SLC5A3: variants seen among roughly 807,000 people sequenced by gnomAD.
SLC5A3 encodes solute carrier family 5 member 3.
A neutral mutation model predicts 43.2 loss-of-function variants in SLC5A3; 10 were observed. That is an observed-to-expected ratio of 0.23 (90% CI 0.14 to 0.39). SLC5A3 has a LOEUF of 0.39. Ranked by LOEUF, SLC5A3 falls within the 10% of genes least tolerant of loss-of-function variation. SLC5A3 has a pLI of 1.00. For synonymous variants in SLC5A3, 349 were observed against 322.0 expected, an observed-to-expected ratio of 1.08 and a Z score of -0.90; for missense variants, 608 against 893.4, an observed-to-expected ratio of 0.68 and a Z score of 4.07.
chr21:34,078,085 C>G (rs28575331), intron 1 of SLC5A3, among the ~76,000 whole-genome samples: 1 of 152,162 alleles, frequency 6.6e-6, no homozygotes, highest in Admixed American at 6.6e-5. Flanking sequence ...AGTGAAGTTT[C>G]TGCTGTGTGT....
In SLC5A3 at chr21:34,102,680, A is replaced by T; in HGVS notation, c.*5325A>T. On this transcript the variant is annotated 3_prime_UTR_variant, in exon 2 of 2. Coordinates refer to ENST00000381151, the MANE Select transcript of SLC5A3 (RefSeq NM_006933.7). ...TTGCTTGAAGAGAAAGGATGCTAGA[A>T]TAAAGTAAGCAGCTGAAGAGCGAGC... 3 of 1,000,220 alleles carry T rather than the reference A, an allele frequency of 3.0e-6. No homozygotes were observed. Among genetic ancestry groups the T allele is most frequent in the Middle Eastern group, 5.2e-4 (1 of 1,916 alleles). 62.0% of individuals were successfully genotyped at this position (1,000,220 alleles called of 1,614,324 possible). A position where few individuals can be genotyped will look rare whatever the true frequency, so the allele number is the denominator to read the frequency against.
rs575825619 is a variant in SLC5A3 at position 34,099,578 on chromosome 21, C to T, written c.*2223C>T. The T allele has an allele frequency of 9.0e-6, 9 of 999,158 alleles. No homozygotes were observed. Among genetic ancestry groups the T allele is most frequent in the Admixed American group, 6.2e-5 (1 of 16,188 alleles). 61.9% of individuals were successfully genotyped at this position (999,158 alleles called of 1,614,324 possible). Reference sequence around the variant, plus strand: ...GGCAGCCTATCTCTTCCATATCCAGCGTAAATGAATAGGAGGTGTTTGTGA... The same window carrying T: ...GGCAGCCTATCTCTTCCATATCCAGTGTAAATGAATAGGAGGTGTTTGTGA... On this transcript the variant is annotated 3_prime_UTR_variant, in exon 2 of 2. Coordinates refer to ENST00000381151, the MANE Select transcript of SLC5A3 (RefSeq NM_006933.7).
chr21:34,090,197 T>C (rs1311111921), intron 1 of SLC5A3, among the ~76,000 whole-genome samples: 1 of 152,246 alleles, frequency 6.6e-6, no homozygotes, highest in Admixed American at 6.5e-5. Flanking sequence ...AGGCCAGTTA[T>C]ATTAGGAAAA....
chr21:34,076,344 C>T (rs184886217), intron 1 of SLC5A3, among the ~76,000 whole-genome samples: 22 of 152,232 alleles, frequency 1.4e-4, no homozygotes, highest in African/African-American at 4.8e-4. Context: ...ATTTAAAATA[C>T]AGGCCCTGTG....
In SLC5A3 at chr21:34,095,789, T is replaced by C; in HGVS notation, c.591T>C (p.Leu197=). Residue 197 remains leucine, a synonymous_variant, in exon 2 of 2, where the codon CTT becomes CTC. Coordinates refer to ENST00000381151, the MANE Select transcript of SLC5A3 (RefSeq NM_006933.7). ...CTCTGCTCATGATCATTGGGGCACT[T>C]ACACTTATGATTATTAGCATAATGG... ...LQALLMIIGA[L]TLMIISIMEI... is the part of the protein sequence containing the mutation. 1 of 1,614,094 alleles carries C rather than the reference T, an allele frequency of 6.2e-7. No homozygotes were observed. Among genetic ancestry groups the C allele is most frequent in the South Asian group, 1.1e-5 (1 of 91,074 alleles).
intron 1 of SLC5A3, among the ~76,000 whole-genome samples, 183 bp from the exon 2 acceptor site, chr21:34,094,680 A>G (rs982874000): frequency 4.6e-5 from 7 of 152,240 alleles, no homozygotes; most frequent in Admixed American, 3.3e-4. Context: ...CTCACTGACA[A>G]AAGTATCAGC....
At chr21:34,073,785 CGCCCCCGCTG>C in intron 1 of SLC5A3, 40 bp downstream of exon 1, 1 of 1,426,000 alleles carries the variant, frequency 7.0e-7, no homozygotes, top group Non-Finnish European at 9.3e-7. Flanking sequence ...CCCGCGCGGG[CGCCCCCGCTG>C]CCGCTAGGCC....
Position 34,097,168 on chromosome 21 carries a change from T to A in SLC5A3, c.1970T>A (p.Phe657Tyr). 1 of 1,614,070 alleles carries A rather than the reference T, an allele frequency of 6.2e-7. No individual in the cohort carries two copies. Among genetic ancestry groups the A allele is most frequent in the Middle Eastern group, 1.7e-4 (1 of 6,058 alleles). The change falls in exon 2 of 2, where the codon TTC becomes TAC. Residue 657 changes from phenylalanine (F) to tyrosine (Y), a missense_variant. By Grantham distance (22) the Phe-to-Tyr change is conservative. This residue lies in a region of SLC5A3 where 210 missense variants were observed against 224.8 expected (regional missense o/e 0.93). Transcript: ENST00000381151. ...ETDDGGRYWK[F>Y]IDWFCGFKSK... ...GATGATGGAGGTCGGTACTGGAAGT[T>A]CATAGACTGGTTTTGTGGCTTTAAA...
Position 34,097,053 on chromosome 21 carries a change from T to C in SLC5A3, c.1855T>C (p.Leu619=). Residue 619 remains leucine, a synonymous_variant, in exon 2 of 2, where the codon TTA becomes CTA. Transcript: ENST00000381151. The stretch of plus-strand genomic sequence containing the variant: ...AGAGGAGGGCAACCCAGTGGCATCC[T>C]TAGGTCATTCAGAGGCAGAAACACC... The part of the protein sequence containing the change: ...CREEGNPVAS[L]GHSEAETPVD... 1.2e-6 allele frequency: 2 copies of C among 1,614,142 alleles called. No individual in the cohort carries two copies. The highest frequency in any genetic ancestry group is 1.7e-6 in the Non-Finnish European group (2 of 1,179,990).
Position 34,098,891 on chromosome 21 carries a change from T to C in SLC5A3, c.*1536T>C, listed in dbSNP as rs1743243757. Reference sequence around the variant, plus strand: ...ATTATGTATGTACTTTCTTTGACCTTCTTTAATCTCTGATACTTTTTAGAT... The same window carrying C: ...ATTATGTATGTACTTTCTTTGACCTCCTTTAATCTCTGATACTTTTTAGAT... On this transcript the variant is annotated 3_prime_UTR_variant, in exon 2 of 2. Transcript: ENST00000381151. 1.0e-6 allele frequency: 1 copy of C among 998,420 alleles called. No individual in the cohort carries two copies. The highest frequency in any genetic ancestry group is 1.2e-6 in the Non-Finnish European group (1 of 828,240). The allele number at this position is 998,420 out of a possible 1,614,324, so 61.8% of individuals were successfully genotyped here.
At chr21:34,075,537 A>AG (rs898076305) in intron 1 of SLC5A3, among the ~76,000 whole-genome samples, 1 of 152,110 alleles carries the variant, frequency 6.6e-6, no homozygotes, top group African/African-American at 2.4e-5. Context: ...GCATGAGGGA[A>AG]GGGGGGCAAA....
At chr21:34,087,615 A>T (rs1407085928) in intron 1 of SLC5A3, among the ~76,000 whole-genome samples, 3 of 152,228 alleles carry the variant, frequency 2.0e-5, no homozygotes, top group Admixed American at 2.0e-4. Flanking sequence ...ACTTTTGTGC[A>T]AAGACGTAAA....
intron 1 of SLC5A3, among the ~76,000 whole-genome samples, chr21:34,088,632 T>C (rs1429069392): frequency 6.6e-6 from 1 of 152,240 alleles, no homozygotes; most frequent in East Asian, 1.9e-4. Context: ...CTGAAGGTAG[T>C]ATTGCATAGT....
chr21:34,079,653 C>T (rs1266850526), intron 1 of SLC5A3, among the ~76,000 whole-genome samples: 1 of 118,096 alleles, frequency 8.5e-6, no homozygotes, highest in Non-Finnish European at 1.6e-5. Context: ...GGGGTTTCAC[C>T]ATGTTGGCCA....
intron 1 of SLC5A3, among the ~76,000 whole-genome samples, chr21:34,074,629 A>G (rs1989280368): frequency 6.6e-6 from 1 of 151,990 alleles, no homozygotes; most frequent in Non-Finnish European, 1.5e-5. Flanking sequence ...CGAAATCCCC[A>G]TTCTCCCGTG....
Position 34,102,127 on chromosome 21 carries a change from AT to A in SLC5A3, c.*4773del, listed in dbSNP as rs1283734749. 1 of 1,000,064 alleles carries A rather than the reference AT, an allele frequency of 1.0e-6. No individual in the cohort carries two copies. Among genetic ancestry groups the A allele is most frequent in the East Asian group, 1.1e-4 (1 of 8,836 alleles). 61.9% of individuals were successfully genotyped at this position (1,000,064 alleles called of 1,614,324 possible). A position where few individuals can be genotyped will look rare whatever the true frequency, so the allele number is the denominator to read the frequency against. On this transcript the variant is annotated 3_prime_UTR_variant, in exon 2 of 2. Coordinates refer to ENST00000381151, the MANE Select transcript of SLC5A3 (RefSeq NM_006933.7). ...TTTTCTTCTGTCAAGGTCACTTAAT[AT>A]GGAATGTTTTTGTCAGACTGTCCTT...
In SLC5A3 at chr21:34,073,639, C is replaced by G; in HGVS notation, c.-443C>G. 1.4e-6 allele frequency: 2 copies of G among 1,450,074 alleles called. No homozygotes were observed. The highest frequency in any genetic ancestry group is 1.9e-6 in the Non-Finnish European group (2 of 1,067,676). 89.8% of individuals were successfully genotyped at this position (1,450,074 alleles called of 1,614,324 possible). A position where few individuals can be genotyped will look rare whatever the true frequency, so the allele number is the denominator to read the frequency against. The stretch of plus-strand genomic sequence containing the variant: ...TCTAGGTCCCCACTGTCCCCGCCGT[C>G]CCGCCCCTTCGCGTCCCGGGAACCG... On this transcript the variant is annotated 5_prime_UTR_variant, in exon 1 of 2. Transcript: ENST00000381151.
intron 1 of SLC5A3, among the ~76,000 whole-genome samples, chr21:34,079,599 CT>C (rs1354027123): frequency 8.6e-6 from 1 of 116,728 alleles, no homozygotes; most frequent in East Asian, 2.4e-4. Context: ...CCAGACCCAG[CT>C]AATTTTTTTT....
At chr21:34,090,714 T>C (rs186527384) in intron 1 of SLC5A3, among the ~76,000 whole-genome samples, 7 of 152,312 alleles carry the variant, frequency 4.6e-5, no homozygotes, top group African/African-American at 1.7e-4. Context: ...CTCTGTTACT[T>C]ATTCCTTATA....
Sources: gnomAD v4.1 joint callset for allele counts (sites outside exome capture counted in the v4.1 genomes callset) on GRCh38, gnomAD v4.1.1 for gene constraint, gnomAD v4.1.1 regional missense constraint, MANE v1.5 for transcripts, NCBI Gene and HGNC (gene_info 2026-07-23, HGNC 2026-07-21) for gene names.